Variants in MLLT3 observed in about 807,000 individuals in gnomAD.
The protein encoded by MLLT3 is protein AF-9.
In MLLT3, 4 loss-of-function variants were observed where a neutral mutation model predicts 53.2. The observed-to-expected ratio is 0.08, with a 90% CI of 0.04 to 0.17. MLLT3 has a LOEUF of 0.17. MLLT3 is among the 10% of genes least tolerant of loss of function. MLLT3 has a pLI of 1.00. For missense variants in MLLT3, 569 were observed against 684.0 expected (o/e 0.83, Z 1.87); for synonymous variants, 283 against 230.6 (o/e 1.23, Z -2.06).
chr9:20,383,288 C>T (rs1337034427), intron 5 of MLLT3, among the ~76,000 whole-genome samples: 2 of 151,912 alleles, frequency 1.3e-5, no homozygotes, highest in Admixed American at 1.3e-4. Context: ...ACAATTTTAA[C>T]ATAATTATAT....
Position 20,354,799 on chromosome 9 carries a change from G to C in MLLT3, c.1503+9C>G. The C allele has an allele frequency of 1.3e-6, 2 of 1,597,730 alleles. No individual in the cohort carries two copies. The highest frequency in any genetic ancestry group is 1.3e-5 in the African/African-American group (1 of 74,368). ...TTGGAGCCCTCCTAGTAACAGACTA[G>C]AAACCTACCTTGTCACATTCACCAT... On this transcript the variant is annotated intron_variant, in intron 9 of 10. Coordinates refer to ENST00000380338, the MANE Select transcript of MLLT3 (RefSeq NM_004529.4).
intron 2 of MLLT3, among the ~76,000 whole-genome samples, chr9:20,593,941 AT>A (rs35062068): frequency 0.015 from 2,058 of 141,898 alleles, 51 homozygotes; most frequent in African/African-American, 0.048. Flanking sequence ...CAATGTTCTC[AT>A]TTTTTTTTTT....
rs936242633 is a variant in MLLT3 at position 20,589,726 on chromosome 9, T to C, written c.193+30928A>G. 3.3e-5 allele frequency among the ~76,000 whole-genome samples: 5 copies of C among 150,716 alleles called. No homozygotes were observed. The East Asian group carries it at 5.8e-4, about 17-fold the overall frequency. The stretch of plus-strand genomic sequence containing the variant: ...TTTTAATCGGTGATTTTTTTTTTTT[T>C]TTGAGGTGGAGTCTCGCTCTGTCAC... On this transcript the variant is annotated intron_variant, in intron 2 of 10. Coordinates refer to ENST00000380338, the MANE Select transcript of MLLT3 (RefSeq NM_004529.4).
chr9:20,447,099 G>A lies in MLLT3; in HGVS notation c.420+1024C>T, dbSNP rs372884203. Among the ~76,000 whole-genome samples, 7 of 152,082 alleles carry A rather than the reference G, an allele frequency of 4.6e-5. 1 individual carries two copies. In the East Asian group the frequency reaches 1.3e-3, roughly 29 times the overall value. On this transcript the variant is annotated intron_variant, in intron 4 of 10. Coordinates refer to ENST00000380338, the MANE Select transcript of MLLT3 (RefSeq NM_004529.4). ...AATAGTCACACAATTATATACATGG[G>A]CAACTTTCTCATAATAGGAACAATA...
At chr9:20,521,504 G>A (rs963771707) in intron 2 of MLLT3, among the ~76,000 whole-genome samples, 6 of 152,000 alleles carry the variant, frequency 3.9e-5, no homozygotes, top group African/African-American at 9.7e-5. Flanking sequence ...GAAAATGGAT[G>A]TGAAATGAGT....
intron 2 of MLLT3, among the ~76,000 whole-genome samples, chr9:20,538,943 A>G (rs1047567989): frequency 2.6e-5 from 4 of 152,260 alleles, no homozygotes; most frequent in African/African-American, 9.6e-5. Flanking sequence ...TGTTTAAAAA[A>G]TGTACATGCC....
chr9:20,532,318 A>AAAT (rs1554635714), intron 2 of MLLT3, among the ~76,000 whole-genome samples: 28 of 151,532 alleles, frequency 1.8e-4, no homozygotes, highest in Admixed American at 1.8e-3. Context: ...AGGAAAAAAA[A>AAAT]ATATATATAT....
chr9:20,571,380 G>A (rs1374766255), intron 2 of MLLT3, among the ~76,000 whole-genome samples: 1 of 152,034 alleles, frequency 6.6e-6, no homozygotes, highest in Non-Finnish European at 1.5e-5. Flanking sequence ...CATGTAATAA[G>A]AGCATAATAT....
intron 5 of MLLT3, among the ~76,000 whole-genome samples, chr9:20,387,882 A>G (rs1323206058): frequency 6.6e-6 from 1 of 152,316 alleles, no homozygotes; most frequent in East Asian, 1.9e-4. Flanking sequence ...TTTTAAATGG[A>G]TAAGTTTTAA....
At chr9:20,374,710 G>T (rs1266225713) in intron 5 of MLLT3, among the ~76,000 whole-genome samples, 1 of 152,182 alleles carries the variant, frequency 6.6e-6, no homozygotes, top group Non-Finnish European at 1.5e-5. Context: ...ATATAAAAAT[G>T]AGATTGAACA....
rs2780834 is a variant in MLLT3 at position 20,620,293 on chromosome 9, A to G, written c.193+361T>C. Among the ~76,000 whole-genome samples the G allele has an allele frequency of 0.37, 53,739 of 145,974 alleles. 10,318 individuals are homozygous for G. Among genetic ancestry groups the G allele is most frequent in the African/African-American group, 0.51 (20,442 of 39,884 alleles). On this transcript the variant is annotated intron_variant, in intron 2 of 10. Transcript: ENST00000380338. This position sits in a 1 kb window ranked among gnomAD's most constrained non-coding sequence, Gnocchi z 6.1. ...CACACACACACACACACACACACACACGCGCAAAGTGTTTATTCCCTCCAG... is the reference window on the plus strand; with the variant it reads ...CACACACACACACACACACACACACGCGCGCAAAGTGTTTATTCCCTCCAG...
Position 20,621,698 on chromosome 9 carries a change from G to A in MLLT3, c.12+547C>T. 3 of 1,429,744 alleles carry A rather than the reference G, an allele frequency of 2.1e-6. No homozygotes were observed. The highest frequency in any genetic ancestry group is 2.3e-5 in the Admixed American group (1 of 42,950). The allele number at this position is 1,429,744 out of a possible 1,614,324, so 88.6% of individuals were successfully genotyped here. ...GCGCTCAGCACCTCCCGGCGCTGGGGCAAAGTTGCGTGCGGCCCCGCCGCT... is the reference window on the plus strand; with the variant it reads ...GCGCTCAGCACCTCCCGGCGCTGGGACAAAGTTGCGTGCGGCCCCGCCGCT... On this transcript the variant is annotated intron_variant, in intron 1 of 10. Transcript: ENST00000380338. The surrounding 1 kb of genome is among the most constrained non-coding windows in gnomAD (Gnocchi z 7.0).
intron 5 of MLLT3, among the ~76,000 whole-genome samples, chr9:20,371,099 C>T (rs181345848): frequency 6.6e-5 from 10 of 152,180 alleles, no homozygotes; most frequent in Admixed American, 3.3e-4. Flanking sequence ...GAGCAAAGCC[C>T]TAATTCTCTT....
At chr9:20,352,449 A>G (rs942515361) in intron 10 of MLLT3, among the ~76,000 whole-genome samples, 3 of 152,226 alleles carry the variant, frequency 2.0e-5, no homozygotes, top group African/African-American at 7.2e-5. Context: ...GAATATTAGC[A>G]AAGTACTAGA....
chr9:20,604,833 C>T (rs1037576398), intron 2 of MLLT3, among the ~76,000 whole-genome samples: 24 of 152,088 alleles, frequency 1.6e-4, no homozygotes, highest in African/African-American at 5.6e-4. Context: ...TCAGTCAGTA[C>T]GTTTACTTGA....
At chr9:20,603,940 T>C (rs543180630) in intron 2 of MLLT3, among the ~76,000 whole-genome samples, 1 of 152,064 alleles carries the variant, frequency 6.6e-6, no homozygotes, top group Non-Finnish European at 1.5e-5. Flanking sequence ...CCTCAATAGT[T>C]TTCATGTGAA....
At chr9:20,420,044 G>GT (rs1822968281) in intron 4 of MLLT3, among the ~76,000 whole-genome samples, 1 of 152,152 alleles carries the variant, frequency 6.6e-6, no homozygotes, top group Non-Finnish European at 1.5e-5. Context: ...GAAAGTGCTG[G>GT]TATCTTTTTT....
intron 4 of MLLT3, among the ~76,000 whole-genome samples, chr9:20,419,902 GA>G (rs1025130826): frequency 5.3e-5 from 8 of 150,158 alleles, no homozygotes; most frequent in Admixed American, 2.7e-4. Context: ...AAATCTAAAT[GA>G]AAAAAAAACT....
chr9:20,546,449 A>G (rs557271917), intron 2 of MLLT3, among the ~76,000 whole-genome samples: 39 of 151,934 alleles, frequency 2.6e-4, no homozygotes, highest in African/African-American at 9.4e-4. Flanking sequence ...AGACCAAGGC[A>G]GGAGGATTGC....
Sources: gnomAD v4.1 joint callset for allele counts (sites outside exome capture counted in the v4.1 genomes callset) on GRCh38, gnomAD v4.1.1 for gene constraint, Gnocchi (gnomAD v3.1) non-coding constraint, MANE v1.5 for transcripts, NCBI Gene and HGNC (gene_info 2026-07-23, HGNC 2026-07-21) for gene names.